TMEM144: variants seen among roughly 807,000 people sequenced by gnomAD.
TMEM144 encodes transmembrane protein 144.
In TMEM144, 39 loss-of-function variants were observed where a neutral mutation model predicts 43.6. The observed-to-expected ratio is 0.90, with a 90% confidence interval of 0.69 to 1.17. The LOEUF is 1.17. Ranked by LOEUF, TMEM144 falls within the 50% of genes most tolerant of loss-of-function variation. The pLI, the probability that TMEM144 is intolerant of heterozygous loss-of-function variation, is 0.00. For synonymous variants in TMEM144, 154 were observed against 133.6 expected (o/e 1.15, Z -1.06); for missense variants, 417 against 411.9 (o/e 1.01, Z -0.11).
At chr4:158,213,160 G>A in intron 3 of TMEM144, 1 of 268,080 alleles carries the variant, frequency 3.7e-6, no homozygotes. Context: ...TTGTCCCTGA[G>A]AAACCTCTAG....
At chr4:158,245,839 G>A (rs1161260383) in intron 12 of TMEM144, among the ~76,000 whole-genome samples, 1 of 151,922 alleles carries the variant, frequency 6.6e-6, no homozygotes, top group African/African-American at 2.4e-5. Context: ...AAGGAGGGAG[G>A]ATTCCTTGGG....
At chr4:158,230,282 T>C (rs1474190395) in intron 6 of TMEM144, among the ~76,000 whole-genome samples, 1 of 152,206 alleles carries the variant, frequency 6.6e-6, no homozygotes, top group Non-Finnish European at 1.5e-5. Flanking sequence ...ACACTGCTTT[T>C]CCTTCCTGAC....
intron 4 of TMEM144, among the ~76,000 whole-genome samples, chr4:158,216,240 T>A (rs1350993246): frequency 6.6e-6 from 1 of 152,202 alleles, no homozygotes; most frequent in Non-Finnish European, 1.5e-5. Context: ...CAGGTTCCAC[T>A]GGGTGTCAGT....
intron 8 of TMEM144, among the ~76,000 whole-genome samples, chr4:158,236,321 T>G (rs1213557850): frequency 6.6e-6 from 1 of 152,234 alleles, no homozygotes; most frequent in African/African-American, 2.4e-5. Flanking sequence ...ATAAATATGT[T>G]GCTGGTTTTG....
At chr4:158,236,267 A>G (rs1034086091) in intron 8 of TMEM144, among the ~76,000 whole-genome samples, 7 of 146,522 alleles carry the variant, frequency 4.8e-5, no homozygotes, top group South Asian at 4.2e-4. Context: ...AAATATTTGA[A>G]TAATTTGAAT....
Position 158,250,569 on chromosome 4 carries a change from T to C in TMEM144, c.955-2875T>C, listed in dbSNP as rs536018839. On this transcript the variant is annotated intron_variant, in intron 12 of 12. Transcript: ENST00000296529. ...CCCAGTTAGAACTTCCCTTTCTGGG[T>C]TTCCCTCAAAGCTGACCTGGCTGCA... Among the ~76,000 whole-genome samples the C allele has an allele frequency of 1.4e-4, 21 of 152,174 alleles. 3 individuals are homozygous for C. The South Asian group carries it at 3.9e-3, about 29-fold the overall frequency.
At chr4:158,221,136 C>A (rs1405153846) in intron 6 of TMEM144, among the ~76,000 whole-genome samples, 1 of 152,066 alleles carries the variant, frequency 6.6e-6, no homozygotes, top group African/African-American at 2.4e-5. Flanking sequence ...CTTACATTTT[C>A]TTTATATGAT....
intron 5 of TMEM144, among the ~76,000 whole-genome samples, chr4:158,218,025 C>A (rs369134970): frequency 6.6e-6 from 1 of 152,182 alleles, no homozygotes; most frequent in Admixed American, 6.5e-5. Context: ...AAGGGAATAA[C>A]TGACCCACAA....
At chr4:158,228,915 C>T (rs539254566) in intron 6 of TMEM144, among the ~76,000 whole-genome samples, 11 of 152,170 alleles carry the variant, frequency 7.2e-5, no homozygotes, top group African/African-American at 1.2e-4. Flanking sequence ...AAGGGGTCCG[C>T]GTGAGAGGGT....
At chr4:158,244,410 C>G in intron 12 of TMEM144, 61 bp downstream of exon 12, 1 of 1,409,628 alleles carries the variant, frequency 7.1e-7, no homozygotes, top group Middle Eastern at 1.8e-4. Flanking sequence ...CGTGGTGGCT[C>G]ACGCTTGTCC....
intron 1 of TMEM144, 39 bp downstream of exon 1, chr4:158,210,625 C>G (rs533486775): frequency 6.6e-6 from 1 of 152,324 alleles, no homozygotes; most frequent in Non-Finnish European, 1.5e-5. Flanking sequence ...AGTCGCTTTG[C>G]AGGGGAGCGT....
rs1274775468 is a variant in TMEM144 at position 158,217,417 on chromosome 4, C to T, written c.329C>T (p.Ser110Leu). 1.1e-5 allele frequency: 18 copies of T among 1,607,716 alleles called. No homozygotes were observed. The highest frequency in any genetic ancestry group is 1.5e-5 in the Non-Finnish European group (18 of 1,174,724). ...SFNALTGWASSRFGWFGLDAE... is the reference protein window; with the variant it reads ...SFNALTGWASLRFGWFGLDAE... ...AATGCCTTAACTGGCTGGGCAAGCTCAAGGTAATTCAAGTCAAACTAGTTC... is the reference window on the plus strand; with the variant it reads ...AATGCCTTAACTGGCTGGGCAAGCTTAAGGTAATTCAAGTCAAACTAGTTC... Residue 110 changes from serine to leucine, a missense_variant, in exon 5 of 13, where the codon TCA becomes TTA. Coordinates refer to ENST00000296529, the MANE Select transcript of TMEM144 (RefSeq NM_018342.5).
chr4:158,247,354 T>C (rs1447725729), intron 12 of TMEM144, among the ~76,000 whole-genome samples: 1 of 151,942 alleles, frequency 6.6e-6, no homozygotes, highest in Non-Finnish European at 1.5e-5. Flanking sequence ...ATCTAGCTAG[T>C]TTGGAAACAC....
intron 12 of TMEM144, among the ~76,000 whole-genome samples, chr4:158,245,310 A>C (rs972127897): frequency 6.6e-6 from 1 of 151,162 alleles, no homozygotes; most frequent in Non-Finnish European, 1.5e-5. Context: ...GGTGGCATGC[A>C]TCTATATTCC....
chr4:158,219,989 A>G (rs955925712), intron 6 of TMEM144, among the ~76,000 whole-genome samples: 1 of 152,260 alleles, frequency 6.6e-6, no homozygotes, highest in Non-Finnish European at 1.5e-5. Context: ...GGCAGTGTTC[A>G]GTCCATAAAA....
At chr4:158,246,382 C>T (rs750737846) in intron 12 of TMEM144, among the ~76,000 whole-genome samples, 2 of 152,064 alleles carry the variant, frequency 1.3e-5, no homozygotes, top group Non-Finnish European at 2.9e-5. Flanking sequence ...TGTACTTCTA[C>T]CTGATCTTTA....
At chr4:158,217,490 G>T in intron 5 of TMEM144, 70 bp downstream of exon 5, 1 of 1,096,182 alleles carries the variant, frequency 9.1e-7, no homozygotes, top group Non-Finnish European at 1.4e-6. Context: ...AGTGATTACC[G>T]AGAGGAATAA....
chr4:158,215,360 A>T, intron 4 of TMEM144, 47 bp downstream of exon 4: 4 of 1,593,368 alleles, frequency 2.5e-6, no homozygotes, highest in Non-Finnish European at 3.4e-6. Context: ...CATAATGATA[A>T]AAATAATTCT....
intron 5 of TMEM144, 71 bp from the exon 6 acceptor site, chr4:158,219,239 T>C (rs1387567351): frequency 1.8e-5 from 27 of 1,486,724 alleles, no homozygotes; most frequent in Non-Finnish European, 2.3e-5. Flanking sequence ...TGGCCCCTAG[T>C]CCATGCCCTT....
Sources: gnomAD v4.1 joint callset for allele counts (sites outside exome capture counted in the v4.1 genomes callset) on GRCh38, gnomAD v4.1.1 for gene constraint, MANE v1.5 for transcripts, NCBI Gene and HGNC (gene_info 2026-07-23, HGNC 2026-07-21) for gene names.